The following GABRA4 variants were observed in gnomAD, a reference collection of about 807,000 sequenced individuals.
GABRA4 encodes the protein gamma-aminobutyric acid type A receptor subunit alpha4.
GABRA4 carries 12 observed loss-of-function variants against 49.7 expected under a neutral mutation model. The ratio of observed to expected loss-of-function variants is 0.24; its 90% CI spans 0.15 to 0.39. GABRA4 has a LOEUF of 0.39. GABRA4 is among the 10% of genes least tolerant of loss of function. The pLI is 1.00. For missense variants in GABRA4, 506 were observed against 686.0 expected (o/e 0.74, Z 2.93); for synonymous variants, 288 against 240.2 (o/e 1.20, Z -1.84).
chr4:46,981,357 AATG>A (rs1259213634), intron 2 of GABRA4, among the ~76,000 whole-genome samples: 1 of 152,152 alleles, frequency 6.6e-6, no homozygotes, highest in Non-Finnish European at 1.5e-5. Flanking sequence ...CCATGATAAT[AATG>A]AACATTTTCC....
Position 46,965,031 on chromosome 4 carries a change from G to A in GABRA4, c.1073C>T (p.Pro358Leu). 2 of 1,611,796 alleles carry A rather than the reference G, an allele frequency of 1.2e-6. No individual in the cohort carries two copies. The highest frequency in any genetic ancestry group is 1.7e-6 in the Non-Finnish European group (2 of 1,178,708). The change falls in exon 8 of 9, where the codon CCC becomes CTC. Residue 358 changes from proline (P) to leucine (L), a missense_variant. By Grantham distance (98) the Pro-to-Leu change is moderately conservative. Coordinates refer to ENST00000264318, the MANE Select transcript of GABRA4 (RefSeq NM_000809.4). ...MEKAKRKTSK[P>L]PQEVPAAPVQ... ...TGGAGCAGCGGGAACTTCCTGAGGG[G>A]GCTTTGATGTCTTCCTTTTGGCTTT...
chr4:46,964,892 T>G, intron 8 of GABRA4, 78 bp downstream of exon 8: 1 of 1,434,404 alleles, frequency 7.0e-7, no homozygotes, highest in Non-Finnish European at 9.4e-7. Flanking sequence ...ATTTTTAAGT[T>G]CTCAGTTTGT....
At chr4:46,940,973 A>G (rs1355042701) in intron 8 of GABRA4, among the ~76,000 whole-genome samples, 3 of 152,100 alleles carry the variant, frequency 2.0e-5, no homozygotes, top group Non-Finnish European at 4.4e-5. Context: ...GTATTAGACT[A>G]TTTTGCATGT....
At chr4:46,976,354 C>CAA (rs71193888) in intron 5 of GABRA4, among the ~76,000 whole-genome samples, 11,679 of 51,290 alleles carry the variant, frequency 0.23, 2,212 homozygotes, top group Non-Finnish European at 0.32. Context: ...CACCCATTCT[C>CAA]AAAAAAAAAA....
At chr4:46,948,877 A>G (rs1722068971) in intron 8 of GABRA4, among the ~76,000 whole-genome samples, 1 of 152,034 alleles carries the variant, frequency 6.6e-6, no homozygotes, top group African/African-American at 2.4e-5. Flanking sequence ...TCACCTTCAT[A>G]TTTGTGATTT....
chr4:46,938,198 T>A (rs17599165), intron 8 of GABRA4, among the ~76,000 whole-genome samples: 18,610 of 152,096 alleles, frequency 0.12, 1,675 homozygotes, highest in East Asian at 0.3. Context: ...CATTATCCTA[T>A]GGGAATTATT....
intron 7 of GABRA4, among the ~76,000 whole-genome samples, chr4:46,970,546 G>A (rs1722914051): frequency 1.3e-5 from 2 of 150,906 alleles, no homozygotes; most frequent in African/African-American, 2.4e-5. Flanking sequence ...AAAACAAAAA[G>A]AAAAACCAAT....
intron 8 of GABRA4, among the ~76,000 whole-genome samples, chr4:46,957,074 A>G (rs1327428548): frequency 2.6e-5 from 4 of 152,030 alleles, no homozygotes; most frequent in Non-Finnish European, 5.9e-5. Flanking sequence ...AATCACAGAT[A>G]CTATTTACTG....
At chr4:46,937,887 C>T (rs1235947708) in intron 8 of GABRA4, among the ~76,000 whole-genome samples, 1 of 152,114 alleles carries the variant, frequency 6.6e-6, no homozygotes, top group East Asian at 1.9e-4. Flanking sequence ...AATATCTTCA[C>T]CTCCCTGAAT....
intron 5 of GABRA4, among the ~76,000 whole-genome samples, chr4:46,976,544 C>T (rs1346952197): frequency 6.6e-6 from 1 of 151,564 alleles, no homozygotes; most frequent in Non-Finnish European, 1.5e-5. Context: ...GCTTCAGTCA[C>T]TGTTATGCTA....
At chr4:46,963,164 T>A (rs1293999503) in intron 8 of GABRA4, among the ~76,000 whole-genome samples, 2 of 151,796 alleles carry the variant, frequency 1.3e-5, no homozygotes, top group East Asian at 3.9e-4. Context: ...TGACAACTCA[T>A]AGATTGGGAG....
intron 7 of GABRA4, 43 bp downstream of exon 7, chr4:46,971,040 A>T (rs1415212708): frequency 6.4e-7 from 1 of 1,568,774 alleles, no homozygotes; most frequent in Admixed American, 1.8e-5. Context: ...CATGAATAAA[A>T]TGTAATGTGA....
At chr4:46,973,165 C>T (rs963653909) in intron 6 of GABRA4, among the ~76,000 whole-genome samples, 1 of 151,720 alleles carries the variant, frequency 6.6e-6, no homozygotes, top group Non-Finnish European at 1.5e-5. Flanking sequence ...GGGTGCCCAT[C>T]AGATGGTGAT....
chr4:46,943,411 C>T (rs548441442), intron 8 of GABRA4, among the ~76,000 whole-genome samples: 3 of 152,276 alleles, frequency 2.0e-5, no homozygotes, highest in Admixed American at 2.0e-4. Flanking sequence ...ATTGCACAAC[C>T]TATTAACATT....
chr4:46,932,809 A>G (rs1189813526), intron 8 of GABRA4, among the ~76,000 whole-genome samples: 1 of 152,134 alleles, frequency 6.6e-6, no homozygotes, highest in African/African-American at 2.4e-5. Context: ...TTCCTCAAAA[A>G]GATTTTGAAT....
intron 8 of GABRA4, among the ~76,000 whole-genome samples, chr4:46,939,783 T>A (rs933268309): frequency 1.3e-5 from 2 of 151,942 alleles, no homozygotes; most frequent in African/African-American, 2.4e-5. Context: ...TCACAAAAAA[T>A]TTTCTCATGA....
Position 46,928,745 on chromosome 4 carries a change from G to A in GABRA4, c.1145C>T (p.Ala382Val), listed in dbSNP as rs765842831. 14 of 1,606,468 alleles carry A rather than the reference G, an allele frequency of 8.7e-6. No individual in the cohort carries two copies. Among genetic ancestry groups the A allele is most frequent in the Non-Finnish European group, 1.1e-5 (13 of 1,174,644 alleles). Reference sequence around the variant, plus strand: ...TGTTCTTTTTCTCATGTTCAAATTGGCATTTGTATTCTGAAAAGGTATATG... The same window carrying A: ...TGTTCTTTTTCTCATGTTCAAATTGACATTTGTATTCTGAAAAGGTATATG... ...HPEAPLQNTNANLNMRKRTNA... is the reference protein window; with the variant it reads ...HPEAPLQNTNVNLNMRKRTNA... The change falls in exon 9 of 9, where the codon GCC (alanine) becomes GTC (valine). Residue 382 changes from alanine (A) to valine (V), a missense_variant. Physicochemically the swap from Ala to Val is moderately conservative, Grantham distance 64 (BLOSUM62 0). Transcript: ENST00000264318.
chr4:46,951,539 GC>G (rs1270021005), intron 8 of GABRA4, among the ~76,000 whole-genome samples: 1 of 151,750 alleles, frequency 6.6e-6, no homozygotes, highest in Non-Finnish European at 1.5e-5. Context: ...TTGACTTTCT[GC>G]TTTTTGAATA....
intron 2 of GABRA4, among the ~76,000 whole-genome samples, chr4:46,990,045 C>T (rs531632246): frequency 9.8e-4 from 149 of 152,192 alleles, no homozygotes; most frequent in Middle Eastern, 3.2e-3. Context: ...TGGAATACTA[C>T]ACATTTACAG....
Sources: allele counts gnomAD v4.1 joint callset (sites outside exome capture counted in the v4.1 genomes callset), GRCh38; gene constraint gnomAD v4.1.1; transcripts MANE v1.5; gene names NCBI Gene and HGNC (gene_info 2026-07-23, HGNC 2026-07-21).